Variants in GLCCI1 observed in about 807,000 individuals in gnomAD.
The protein encoded by GLCCI1 is glucocorticoid induced 1.
GLCCI1 carries 24 observed loss-of-function variants against 52.2 expected under a neutral mutation model. The ratio of observed to expected loss-of-function variants is 0.46; its 90% CI spans 0.33 to 0.65. The LOEUF is 0.65. Among genes scored for constraint, GLCCI1 ranks in the 30% least tolerant of loss-of-function variants. GLCCI1 has a pLI of 0.02. For synonymous variants in GLCCI1, 310 were observed against 276.5 expected (o/e 1.12, Z -1.20); for missense variants, 704 against 701.5 (o/e 1.00, Z -0.04).
Position 8,071,121 on chromosome 7 carries a change from T to G in GLCCI1, c.1167T>G (p.Asp389Glu). 6.2e-7 allele frequency: 1 copy of G among 1,613,862 alleles called. No individual in the cohort carries two copies. The highest frequency in any genetic ancestry group is 8.5e-7 in the Non-Finnish European group (1 of 1,179,784). Residue 389 changes from aspartate to glutamate, a missense_variant, in exon 6 of 8, where the codon GAT becomes GAG. Asp to Glu is a conservative substitution (Grantham distance 45, BLOSUM62 2). Around this residue, in one of 3 missense-constraint regions of GLCCI1, gnomAD observed 547 missense variants for 524.8 expected, o/e 1.04. Transcript: ENST00000223145. ...SPCSTEDLLYDRDKDSGSSSP... is the reference protein window; with the variant it reads ...SPCSTEDLLYERDKDSGSSSP... Reference sequence around the variant, plus strand: ...GCTCAACAGAAGATTTGCTCTATGATCGTGATAAAGGTAAGAATGGAATTG... The same window carrying G: ...GCTCAACAGAAGATTTGCTCTATGAGCGTGATAAAGGTAAGAATGGAATTG...
chr7:8,013,883 T>C (rs1321833891), intron 2 of GLCCI1, among the ~76,000 whole-genome samples: 1 of 152,208 alleles, frequency 6.6e-6, no homozygotes, highest in Non-Finnish European at 1.5e-5. Context: ...ATAGTAATTC[T>C]ACATCCTTTT....
At chr7:8,053,994 G>A (rs1782328180) in intron 3 of GLCCI1, among the ~76,000 whole-genome samples, 1 of 151,884 alleles carries the variant, frequency 6.6e-6, no homozygotes, top group South Asian at 2.1e-4. Flanking sequence ...ACATCTCAGA[G>A]GCCTTGAAAA....
intron 2 of GLCCI1, among the ~76,000 whole-genome samples, chr7:8,017,381 G>C (rs147118734): frequency 6.6e-6 from 1 of 152,130 alleles, no homozygotes; most frequent in Non-Finnish European, 1.5e-5. Context: ...TGCAGATTCC[G>C]TATCTTATTG....
chr7:8,045,099 G>C (rs1275783525), intron 3 of GLCCI1, among the ~76,000 whole-genome samples: 1 of 152,152 alleles, frequency 6.6e-6, no homozygotes, highest in Non-Finnish European at 1.5e-5. Context: ...CAAAAAACTT[G>C]TAATATTAAA....
chr7:8,020,134 T>A (rs1781456016), intron 2 of GLCCI1, among the ~76,000 whole-genome samples: 1 of 152,208 alleles, frequency 6.6e-6, no homozygotes, highest in Admixed American at 6.5e-5. Flanking sequence ...CAAACTATTC[T>A]TATTCTGTAA....
At chr7:7,981,670 C>G (rs1018288436) in intron 1 of GLCCI1, 1 of 242,288 alleles carries the variant, frequency 4.1e-6, no homozygotes, top group Admixed American at 5.5e-5. Context: ...GGACAATATA[C>G]TTATAGATGA....
At position 8,031,555 on chromosome 7, in the gene GLCCI1, T is replaced by TA. The variant is rs1165094087; in HGVS notation, c.696+8986_696+8987insA. Among the ~76,000 whole-genome samples, 3 of 152,070 alleles carry TA rather than the reference T, an allele frequency of 2.0e-5. No individual in the cohort carries two copies. In the East Asian group the frequency reaches 5.8e-4, roughly 29 times the overall value. ...AAAGTACTAAAAGGGTATAATTGGG[T>TA]TGTTAGTAACATAAAGAATAAATGC... On this transcript the variant is annotated intron_variant, in intron 3 of 7. Transcript: ENST00000223145.
intron 1 of GLCCI1, among the ~76,000 whole-genome samples, chr7:7,996,910 G>C (rs1780949132): frequency 6.6e-6 from 1 of 152,128 alleles, no homozygotes; most frequent in Non-Finnish European, 1.5e-5. Flanking sequence ...TTTGCTCTTT[G>C]GTTTTATTTC....
At chr7:8,017,056 T>A (rs1301617702) in intron 2 of GLCCI1, among the ~76,000 whole-genome samples, 2 of 152,216 alleles carry the variant, frequency 1.3e-5, no homozygotes, top group Non-Finnish European at 2.9e-5. Flanking sequence ...ATTGTGTGTT[T>A]GCTGTCTTAC....
chr7:8,017,208 T>G (rs1354973942), intron 2 of GLCCI1, among the ~76,000 whole-genome samples: 1 of 152,224 alleles, frequency 6.6e-6, no homozygotes, highest in Non-Finnish European at 1.5e-5. Context: ...TTTTTATGAC[T>G]TCAGTGGGTG....
chr7:8,076,663 T>C (rs1782882420), intron 6 of GLCCI1, among the ~76,000 whole-genome samples: 1 of 152,214 alleles, frequency 6.6e-6, no homozygotes, highest in Non-Finnish European at 1.5e-5. Flanking sequence ...TTGCTCAGTT[T>C]AGAATATAAG....
intron 3 of GLCCI1, among the ~76,000 whole-genome samples, chr7:8,034,058 A>G (rs1339031840): frequency 6.6e-6 from 1 of 152,154 alleles, no homozygotes; most frequent in East Asian, 1.9e-4. Flanking sequence ...ATAAAGATTT[A>G]TAGGTAAATG....
rs1780787244 is a variant in GLCCI1 at position 7,988,898 on chromosome 7, G to A, written c.458-15010G>A. On this transcript the variant is annotated intron_variant, in intron 1 of 7. Transcript: ENST00000223145. ...TTTTTCTTTGCTGACCTCTGCTGCA[G>A]TTAGATAAGGCTAAATGATAAAGAA... Among the ~76,000 whole-genome samples the A allele has an allele frequency of 2.6e-5, 4 of 152,058 alleles. No homozygotes were observed. In the South Asian group the frequency reaches 8.3e-4, roughly 31 times the overall value.
chr7:8,080,485 T>C (rs897137128), intron 6 of GLCCI1, among the ~76,000 whole-genome samples: 3 of 151,514 alleles, frequency 2.0e-5, no homozygotes, highest in Admixed American at 2.0e-4. Flanking sequence ...TTGATTTTAA[T>C]TTCAGGATGA....
At chr7:8,071,815 C>A (rs558891298) in intron 6 of GLCCI1, among the ~76,000 whole-genome samples, 1 of 152,260 alleles carries the variant, frequency 6.6e-6, no homozygotes, top group Admixed American at 6.5e-5. Flanking sequence ...TAGCTACTTA[C>A]AAAGAAACAC....
chr7:8,048,515 G>C (rs1782184867), intron 3 of GLCCI1, among the ~76,000 whole-genome samples: 1 of 152,050 alleles, frequency 6.6e-6, no homozygotes, highest in Non-Finnish European at 1.5e-5. Context: ...TTCAGAGTGT[G>C]GAGTGTGAGT....
intron 3 of GLCCI1, among the ~76,000 whole-genome samples, chr7:8,023,000 A>G (rs1200468570): frequency 6.6e-6 from 1 of 152,012 alleles, no homozygotes; most frequent in African/African-American, 2.4e-5. Context: ...CAATGGTAGG[A>G]TAGTGTTTTC....
chr7:8,077,723 A>G (rs1382141082), intron 6 of GLCCI1, among the ~76,000 whole-genome samples: 1 of 152,212 alleles, frequency 6.6e-6, no homozygotes, highest in African/African-American at 2.4e-5. Flanking sequence ...GCTTAGAGAA[A>G]TTAAGTAACC....
At chr7:8,055,388 A>T in intron 3 of GLCCI1, 45 bp from the exon 4 acceptor site, 1 of 1,163,126 alleles carries the variant, frequency 8.6e-7, no homozygotes, top group South Asian at 1.4e-5. Context: ...AAAATTTGGT[A>T]TTCACTTTTA....
Sources: allele counts gnomAD v4.1 joint callset (sites outside exome capture counted in the v4.1 genomes callset), GRCh38; gene constraint gnomAD v4.1.1; regional missense constraint gnomAD v4.1.1; transcripts MANE v1.5; gene names NCBI Gene and HGNC (gene_info 2026-07-23, HGNC 2026-07-21).